POLR2F: variants seen among roughly 807,000 people sequenced by gnomAD.
POLR2F encodes RNA polymerase II, I and III subunit F, also known as DNA-directed RNA polymerases I, II, and III subunit RPABC2.
Under a neutral mutation model 22.7 loss-of-function variants are expected in POLR2F, and 12 were observed. That is an observed-to-expected ratio of 0.53 (90% CI 0.34 to 0.86). The LOEUF is 0.86. POLR2F is among the 40% of genes least tolerant of loss of function. The pLI is 0.02. For synonymous variants in POLR2F, 57 were observed against 66.0 expected (o/e 0.86, Z 0.66); for missense variants, 126 against 171.5 (o/e 0.73, Z 1.48).
At chr22:37,954,989 G>C (rs1180797074) in intron 1 of POLR2F, among the ~76,000 whole-genome samples, 1 of 152,118 alleles carries the variant, frequency 6.6e-6, no homozygotes, top group Non-Finnish European at 1.5e-5. Context: ...AAATGAGAAG[G>C]AGAGTTGGCC....
chr22:37,981,733 T>TG (rs927711546), upstream of POLR2F, among the ~76,000 whole-genome samples: 6 of 152,320 alleles, frequency 3.9e-5, no homozygotes, highest in African/African-American at 1.4e-4. Context: ...GATACTGGCC[T>TG]GGGCCAAGCC....
intron 3 of POLR2F, among the ~76,000 whole-genome samples, chr22:37,961,996 C>T (rs959005432): frequency 2.6e-5 from 4 of 152,124 alleles, no homozygotes; most frequent in African/African-American, 7.2e-5. Context: ...TTTGGGAGGA[C>T]GAGGCAGGTG....
intron 1 of POLR2F, among the ~76,000 whole-genome samples, chr22:37,992,226 A>G (rs189595728): frequency 5.9e-5 from 9 of 152,192 alleles, no homozygotes; most frequent in Admixed American, 5.9e-4. Context: ...GCTTCCTTCC[A>G]GGTTGTGGTG....
At chr22:37,973,211 T>C (rs1398602008), downstream of POLR2F, 7 of 400,196 alleles carry the variant, frequency 1.7e-5, no homozygotes, top group African/African-American at 1.4e-4. Flanking sequence ...GGATAGAGGG[T>C]CATTCCTGGG....
chr22:37,981,234 C>T (rs998246586), upstream of POLR2F, among the ~76,000 whole-genome samples: 2 of 152,222 alleles, frequency 1.3e-5, no homozygotes, highest in Non-Finnish European at 1.5e-5. Flanking sequence ...CCAGGAGTCA[C>T]AGCTTGGGGA....
Position 37,960,246 on chromosome 22 carries a change from CAG to C in POLR2F, c.221+773_221+774del, listed in dbSNP as rs1048213976. Reference sequence around the variant, plus strand: ...TTCTTTTCTTTTTTTTTTTTTTTGACAGAGTCTTGCTCTGTCTCCCATGCTGG... The same window carrying C: ...TTCTTTTCTTTTTTTTTTTTTTTGACAGTCTTGCTCTGTCTCCCATGCTGG... On this transcript the variant is annotated intron_variant, in intron 3 of 4. Transcript: ENST00000442738. 6.9e-5 allele frequency among the ~76,000 whole-genome samples: 10 copies of C among 145,908 alleles called. No individual in the cohort carries two copies. In the Admixed American group the frequency reaches 6.9e-4, roughly 10 times the overall value.
At chr22:37,962,663 G>C (rs1198306633) in intron 3 of POLR2F, among the ~76,000 whole-genome samples, 1 of 152,120 alleles carries the variant, frequency 6.6e-6, no homozygotes, top group Non-Finnish European at 1.5e-5. Flanking sequence ...TTTCTCACTA[G>C]CCAGCCACAC....
intron 1 of POLR2F, among the ~76,000 whole-genome samples, chr22:38,012,082 CTTT>C (rs1235369974): frequency 1.4e-5 from 2 of 138,458 alleles, no homozygotes; most frequent in African/African-American, 2.6e-5. Flanking sequence ...TATTTTTATA[CTTT>C]TTTTTTTTTT....
At chr22:37,990,657 A>G (rs564972571) in intron 1 of POLR2F, among the ~76,000 whole-genome samples, 13 of 152,364 alleles carry the variant, frequency 8.5e-5, no homozygotes, top group African/African-American at 2.6e-4. Context: ...GGCACGGCCA[A>G]ACAGGCAGCT....
intron 1 of POLR2F, among the ~76,000 whole-genome samples, chr22:38,007,192 G>T (rs1269592621): frequency 1.3e-5 from 2 of 152,160 alleles, no homozygotes; most frequent in African/African-American, 4.8e-5. Context: ...GTGAAAATCT[G>T]GATGAGAGAG....
chr22:38,029,399 A>C (rs2085044984), downstream of POLR2F, among the ~76,000 whole-genome samples: 1 of 152,176 alleles, frequency 6.6e-6, no homozygotes, highest in Non-Finnish European at 1.5e-5. Flanking sequence ...ATAAAGCCTT[A>C]AATAAGGCTC....
chr22:37,998,151 C>T (rs1170799171), intron 1 of POLR2F, among the ~76,000 whole-genome samples: 2 of 152,114 alleles, frequency 1.3e-5, no homozygotes, highest in Admixed American at 6.5e-5. Flanking sequence ...CTTTCCTTCC[C>T]GCCTCTGGTC....
chr22:37,988,979 TGACA>T (rs1273662599), intron 1 of POLR2F: 1 of 152,272 alleles, frequency 6.6e-6, no homozygotes, highest in Non-Finnish European at 1.5e-5. Flanking sequence ...GGCAGCATAG[TGACA>T]GACAGAAGCT....
chr22:37,959,917 C>T lies in POLR2F; in HGVS notation c.221+441C>T, dbSNP rs538737611. Among the ~76,000 whole-genome samples the T allele has an allele frequency of 1.6e-4, 24 of 151,478 alleles. 1 individual carries two copies. The South Asian group carries it at 4.8e-3, about 30-fold the overall frequency. ...CTCCCAGGTTCAAGTGATTCTCGTG[C>T]CTCAGCCTCCCAGGTAGCTGGAATT... is the stretch of plus-strand genomic sequence containing the variant. On this transcript the variant is annotated intron_variant, in intron 3 of 4. Transcript: ENST00000442738.
rs76416643 is a variant in POLR2F, at chr22:38,018,000, G to A, written c.121-7869G>A. On this transcript the variant is annotated intron_variant, in intron 1 of 2. Transcript: ENST00000333418. The surrounding 1 kb of genome is among the most constrained non-coding windows in gnomAD (Gnocchi z 4.1). The stretch of plus-strand genomic sequence containing the variant: ...CTATAACGTGGCCATAAGGTGGAAC[G>A]TTATCCAGATCCTCCTGGGCTTCAG... Among the ~76,000 whole-genome samples the A allele has an allele frequency of 3.1e-3, 479 of 152,328 alleles. 4 individuals carry two copies. The highest frequency in any genetic ancestry group is 0.011 in the African/African-American group (460 of 41,568).
At chr22:37,990,478 C>T (rs915379665) in intron 1 of POLR2F, among the ~76,000 whole-genome samples, 2 of 152,396 alleles carry the variant, frequency 1.3e-5, no homozygotes, top group South Asian at 2.1e-4. Context: ...CTGGAATGCC[C>T]TTCCTGGCGT....
Position 37,955,228 on chromosome 22 carries a change from A to C in POLR2F, c.20+1421A>C, listed in dbSNP as rs74414933. ...GTTTTTTTTTTTTTTTTTTTAGATG[A>C]GGAAAAGCACATGTTGAAATGCTGA... On this transcript the variant is annotated intron_variant, in intron 1 of 4. Coordinates refer to ENST00000442738, the MANE Select transcript of POLR2F (RefSeq NM_021974.5). Among the ~76,000 whole-genome samples the C allele has an allele frequency of 3.0e-5, 4 of 132,114 alleles. No homozygotes were observed. In the East Asian group the frequency reaches 9.6e-4, roughly 32 times the overall value. 86.7% of individuals were successfully genotyped at this position (132,114 alleles called of 152,430 possible).
At chr22:38,039,915 G>A (rs2085155038) in intron 5 of POLR2F, among the ~76,000 whole-genome samples, 2 of 152,180 alleles carry the variant, frequency 1.3e-5, no homozygotes, top group Admixed American at 1.3e-4. Flanking sequence ...GGAAAGGAAG[G>A]CTTCCTGGAG....
upstream of POLR2F, among the ~76,000 whole-genome samples, chr22:37,982,526 A>G (rs1388600942): frequency 6.6e-6 from 1 of 152,048 alleles, no homozygotes; most frequent in Non-Finnish European, 1.5e-5. Flanking sequence ...GTCCCAGGGA[A>G]CCTGGGACTC....
Sources: gnomAD v4.1 joint callset for allele counts (sites outside exome capture counted in the v4.1 genomes callset) on GRCh38, gnomAD v4.1.1 for gene constraint, Gnocchi (gnomAD v3.1) non-coding constraint, MANE v1.5 for transcripts, NCBI Gene and HGNC (gene_info 2026-07-23, HGNC 2026-07-21) for gene names.